SNX24: variants seen among roughly 807,000 people sequenced by gnomAD.
SNX24 encodes the protein sorting nexin-24.
A neutral mutation model predicts 28.7 loss-of-function variants in SNX24; 22 were observed. The observed-to-expected ratio is 0.77, with a 90% confidence interval of 0.55 to 1.10. The LOEUF (loss-of-function observed/expected upper bound fraction) is 1.10. SNX24 is among the 50% of genes least tolerant of loss of function. The pLI is 0.00. For synonymous variants in SNX24, 69 were observed against 71.5 expected (o/e 0.96, Z 0.18); for missense variants, 221 against 201.1 (o/e 1.10, Z -0.60).
At chr5:122,987,526 T>C (rs982647695) in intron 3 of SNX24, among the ~76,000 whole-genome samples, 5 of 152,232 alleles carry the variant, frequency 3.3e-5, no homozygotes, top group Non-Finnish European at 7.3e-5. Context: ...TTTCTCAGTG[T>C]TTAGCAGCTT....
chr5:122,858,991 A>G (rs1433821441), intron 1 of SNX24, among the ~76,000 whole-genome samples: 1 of 152,088 alleles, frequency 6.6e-6, no homozygotes, highest in East Asian at 1.9e-4. Context: ...TAAGCTATCC[A>G]CCTGCCTCGG....
rs1267947790 is a variant in SNX24 at position 122,946,142 on chromosome 5, T to G, written c.232T>G (p.Leu78Val). The change falls in exon 3 of 7, where the codon TTG becomes GTG. Residue 78 changes from leucine to valine, a missense_variant. Coordinates refer to ENST00000261369, the MANE Select transcript of SNX24 (RefSeq NM_014035.4). ...AGTCTTGGAACAGCGACGACAAGGC[T>G]TGGAAACATACTTACAGGTAAGATA... ...PKVLEQRRQG[L>V]ETYLQAVILE... is the part of the protein sequence containing the mutation. 6.2e-7 allele frequency: 1 copy of G among 1,600,634 alleles called. No homozygotes were observed. The highest frequency in any genetic ancestry group is 8.6e-7 in the Non-Finnish European group (1 of 1,168,556).
At chr5:122,953,104 T>C (rs1258101695) in intron 3 of SNX24, among the ~76,000 whole-genome samples, 1 of 151,694 alleles carries the variant, frequency 6.6e-6, no homozygotes, top group Non-Finnish European at 1.5e-5. Flanking sequence ...TCCTTTCCTT[T>C]CCTTTCTTTT....
At chr5:122,910,041 T>C (rs1206743478) in intron 1 of SNX24, among the ~76,000 whole-genome samples, 2 of 152,212 alleles carry the variant, frequency 1.3e-5, no homozygotes, top group African/African-American at 4.8e-5. Context: ...ATTCTATAAA[T>C]AGTGAACCAT....
chr5:122,917,111 A>G (rs11955583), intron 1 of SNX24, among the ~76,000 whole-genome samples: 113 of 152,138 alleles, frequency 7.4e-4, no homozygotes, highest in Non-Finnish European at 1.2e-3. Flanking sequence ...TACTAAAAAT[A>G]CAAAAATTAG....
chr5:122,888,061 T>C (rs184834223), intron 1 of SNX24, among the ~76,000 whole-genome samples: 31 of 152,366 alleles, frequency 2.0e-4, no homozygotes, highest in African/African-American at 6.7e-4. Flanking sequence ...CCTATATATG[T>C]TTCATTTGAC....
chr5:122,954,812 T>G (rs1446622484), intron 3 of SNX24, among the ~76,000 whole-genome samples: 1 of 152,164 alleles, frequency 6.6e-6, no homozygotes, highest in African/African-American at 2.4e-5. Context: ...ATTCTTGTCT[T>G]TAGTTTTCAG....
intron 3 of SNX24, among the ~76,000 whole-genome samples, chr5:122,952,698 A>C (rs1028855142): frequency 3.3e-5 from 5 of 152,262 alleles, no homozygotes; most frequent in African/African-American, 1.2e-4. Flanking sequence ...AATATATCTC[A>C]AAAATTGATG....
intron 1 of SNX24, among the ~76,000 whole-genome samples, chr5:122,928,309 G>T (rs750136919): frequency 2.0e-5 from 3 of 152,126 alleles, no homozygotes; most frequent in African/African-American, 4.8e-5. Context: ...TGAAATAATG[G>T]ATCTTCAACA....
rs149397530 is a variant in SNX24, at chr5:123,014,673, A to G, written n.383+12669A>G. On this transcript the variant is annotated intron_variant and non_coding_transcript_variant, in intron 5 of 5. Transcript: ENST00000502387. ...CATTCTCGACACAAAAACCAGGGTGATCTTTTTAAAATGTTGATCAGATCA... is the reference window on the plus strand; with the variant it reads ...CATTCTCGACACAAAAACCAGGGTGGTCTTTTTAAAATGTTGATCAGATCA... Among the ~76,000 whole-genome samples the G allele has an allele frequency of 8.3e-3, 1,258 of 152,228 alleles. 18 individuals are homozygous for G. Among genetic ancestry groups the G allele is most frequent in the African/African-American group, 0.029 (1,193 of 41,528 alleles).
At chr5:122,865,860 AAAT>A (rs1350545982) in intron 1 of SNX24, among the ~76,000 whole-genome samples, 2 of 152,198 alleles carry the variant, frequency 1.3e-5, no homozygotes, top group Non-Finnish European at 2.9e-5. Context: ...CTATAACCCC[AAAT>A]ACACTAACTC....
intron 1 of SNX24, among the ~76,000 whole-genome samples, chr5:122,854,390 C>T (rs1299844836): frequency 1.3e-5 from 2 of 151,938 alleles, no homozygotes; most frequent in African/African-American, 4.8e-5. Context: ...TGCCTGTAGT[C>T]CCAGCTACTT....
In SNX24 at chr5:122,850,216, A is replaced by G. The variant is rs145356747; in HGVS notation, c.60+4523A>G. Among the ~76,000 whole-genome samples the G allele has an allele frequency of 4.1e-3, 631 of 152,368 alleles. 3 individuals carry two copies. Among genetic ancestry groups the G allele is most frequent in the African/African-American group, 0.015 (607 of 41,590 alleles). On this transcript the variant is annotated intron_variant, in intron 1 of 6. Coordinates refer to ENST00000261369, the MANE Select transcript of SNX24 (RefSeq NM_014035.4). ...CACAGTTCTGGAGGCTGGGAAGTCC[A>G]AGATCAAGGTGCTAGCAGATTCAGT...
At chr5:122,856,554 C>A (rs2150036675) in intron 1 of SNX24, among the ~76,000 whole-genome samples, 1 of 140,854 alleles carries the variant, frequency 7.1e-6, no homozygotes, top group African/African-American at 2.7e-5. Flanking sequence ...GAGGCAGAGT[C>A]ATCCAGGCTG....
intron 1 of SNX24, among the ~76,000 whole-genome samples, chr5:122,905,099 G>T (rs764829969): frequency 2.6e-5 from 4 of 152,198 alleles, no homozygotes; most frequent in Non-Finnish European, 5.9e-5. Flanking sequence ...TGTTTTTATA[G>T]CCCACACTCC....
chr5:122,914,990 A>G (rs368743551), intron 1 of SNX24, among the ~76,000 whole-genome samples: 12 of 152,112 alleles, frequency 7.9e-5, no homozygotes, highest in Admixed American at 1.3e-4. Flanking sequence ...AGGAAGTGCT[A>G]CTAACAGATG....
chr5:122,914,253 A>G (rs1014365386), intron 1 of SNX24, among the ~76,000 whole-genome samples: 36 of 152,304 alleles, frequency 2.4e-4, no homozygotes, highest in African/African-American at 7.9e-4. Context: ...AGCCCACTTG[A>G]TCATGATGGA....
chr5:123,011,279 T>G (rs1276434977), downstream of SNX24, among the ~76,000 whole-genome samples: 1 of 152,206 alleles, frequency 6.6e-6, no homozygotes, highest in Non-Finnish European at 1.5e-5. Flanking sequence ...GTTCCTGGAC[T>G]TGGTGTTTTG....
chr5:122,972,183 C>T (rs1283997005), intron 3 of SNX24, among the ~76,000 whole-genome samples: 2 of 152,196 alleles, frequency 1.3e-5, no homozygotes, highest in African/African-American at 2.4e-5. Flanking sequence ...GCAATCTTAA[C>T]TTCCAGTTTA....
Sources: gnomAD v4.1 joint callset for allele counts (sites outside exome capture counted in the v4.1 genomes callset) on GRCh38, gnomAD v4.1.1 for gene constraint, MANE v1.5 for transcripts, NCBI Gene and HGNC (gene_info 2026-07-23, HGNC 2026-07-21) for gene names.